XIRP2: variants seen among roughly 807,000 people sequenced by gnomAD.
XIRP2 encodes xin actin-binding repeat-containing protein 2.
A neutral mutation model predicts 277.0 loss-of-function variants in XIRP2; 236 were observed. That is an observed-to-expected ratio of 0.85 (90% CI 0.77 to 0.95). The LOEUF is 0.95. XIRP2 is among the 40% of genes least tolerant of loss of function. The pLI is 0.00. For synonymous variants in XIRP2, 1,490 were observed against 1,416.5 expected (o/e 1.05, Z -1.17); for missense variants, 4,640 against 4,157.5 (o/e 1.12, Z -3.19).
chr2:167,148,505 G>A (rs920319794), intron 3 of XIRP2, among the ~76,000 whole-genome samples: 1 of 145,266 alleles, frequency 6.9e-6, no homozygotes, highest in African/African-American at 2.5e-5. Context: ...AGAAGGAAGG[G>A]AGGGAGGGAG....
At chr2:167,229,424 G>A (rs556219320) in intron 5 of XIRP2, among the ~76,000 whole-genome samples, 1 of 152,148 alleles carries the variant, frequency 6.6e-6, no homozygotes, top group South Asian at 2.1e-4. Flanking sequence ...GATTTTGCTA[G>A]TTTGTCAGTA....
intron 2 of XIRP2, among the ~76,000 whole-genome samples, chr2:166,967,962 G>A (rs1686473300): frequency 6.6e-6 from 1 of 151,902 alleles, no homozygotes; most frequent in African/African-American, 2.4e-5. Flanking sequence ...ATATAAACAA[G>A]TTTATGTTTT....
intron 2 of XIRP2, among the ~76,000 whole-genome samples, chr2:167,010,351 C>G (rs1362265243): frequency 1.3e-5 from 2 of 151,184 alleles, no homozygotes; most frequent in African/African-American, 2.4e-5. Context: ...GCTTGTTTTT[C>G]TCAGGTTTGT....
chr2:167,007,717 A>T (rs1322310179), intron 2 of XIRP2, among the ~76,000 whole-genome samples: 3 of 151,074 alleles, frequency 2.0e-5, no homozygotes, highest in Admixed American at 6.6e-5. Context: ...ACACACACAC[A>T]CACACACACA....
At chr2:167,168,396 G>A (rs1365036257) in intron 3 of XIRP2, among the ~76,000 whole-genome samples, 2 of 151,750 alleles carry the variant, frequency 1.3e-5, no homozygotes, top group African/African-American at 2.4e-5. Context: ...TTGTCTCATG[G>A]TTCTGGGATA....
intron 5 of XIRP2, among the ~76,000 whole-genome samples, chr2:167,227,406 A>G (rs1353846675): frequency 3.3e-5 from 5 of 152,164 alleles, no homozygotes; most frequent in African/African-American, 1.2e-4. Context: ...ATGACATATT[A>G]GAATATTAAA....
chr2:166,937,558 T>G lies in XIRP2; in HGVS notation c.408+33668T>G, dbSNP rs1685555502. ...CAGGGATATTGGTCTAAAATTCTCT[T>G]TTTTTGTTGTGTCTCTGTCAGACTT... On this transcript the variant is annotated intron_variant, in intron 2 of 10. Coordinates refer to ENST00000409195, the MANE Select transcript of XIRP2 (RefSeq NM_152381.6). 4.6e-5 allele frequency among the ~76,000 whole-genome samples: 7 copies of G among 152,316 alleles called. No individual in the cohort carries two copies. In the South Asian group the frequency reaches 1.5e-3, roughly 32 times the overall value.
chr2:167,089,527 G>A (rs1687767448), intron 2 of XIRP2, among the ~76,000 whole-genome samples: 1 of 152,184 alleles, frequency 6.6e-6, no homozygotes, highest in South Asian at 2.1e-4. Context: ...TTGTGCGCAT[G>A]AGGGTCAAGA....
chr2:167,139,560 AC>A (rs947857783), intron 3 of XIRP2, among the ~76,000 whole-genome samples: 1 of 152,106 alleles, frequency 6.6e-6, no homozygotes, highest in African/African-American at 2.4e-5. Flanking sequence ...ATCTCCTCTG[AC>A]GGGTTTTACA....
rs756132453 is a variant in XIRP2 at position 166,903,897 on chromosome 2, A to AG, written c.408+8dup. 6.2e-6 allele frequency: 10 copies of AG among 1,607,628 alleles called. No individual in the cohort carries two copies. The South Asian group carries it at 9.9e-5, about 16-fold the overall frequency. On this transcript the variant is annotated splice_region_variant and intron_variant, in intron 2 of 10. Coordinates refer to ENST00000409195, the MANE Select transcript of XIRP2 (RefSeq NM_152381.6). Reference sequence around the variant, plus strand: ...AGCTGAGTACGGTGGAAAGGTAAGGAGCCATTGATTGAGAGTCTATGTTTA... The same window carrying AG: ...AGCTGAGTACGGTGGAAAGGTAAGGAGGCCATTGATTGAGAGTCTATGTTTA...
intron 5 of XIRP2, among the ~76,000 whole-genome samples, chr2:167,224,082 G>A (rs928555704): frequency 6.6e-6 from 1 of 152,108 alleles, no homozygotes; most frequent in Non-Finnish European, 1.5e-5. Context: ...TCATAATGTG[G>A]CAGAAAGTGA....
rs1316250919 is a variant in XIRP2 at position 167,249,759 on chromosome 2, A to G, written c.8367A>G (p.Ile2789Met). The G allele has an allele frequency of 6.2e-7, 1 of 1,613,368 alleles. No homozygotes were observed. The highest frequency in any genetic ancestry group is 1.7e-5 in the Admixed American group (1 of 59,954). The change falls in exon 9 of 11, where the codon ATA becomes ATG. Residue 2789 changes from isoleucine (I) to methionine (M), a missense_variant. Transcript: ENST00000409195. ...RVTVQLPTES[I>M]QKNQEDKLKM... is the part of the protein sequence containing the mutation. ...CAGTACAATTGCCTACAGAATCCAT[A>G]CAGAAGAACCAGGAAGATAAGCTCA...
intron 2 of XIRP2, among the ~76,000 whole-genome samples, chr2:166,921,118 A>G (rs1485865776): frequency 6.6e-6 from 1 of 152,030 alleles, no homozygotes; most frequent in East Asian, 1.9e-4. Flanking sequence ...GTTGCACCAC[A>G]TGCATCTCTG....
intron 2 of XIRP2, among the ~76,000 whole-genome samples, chr2:167,057,942 A>C (rs1227202119): frequency 2.0e-5 from 3 of 152,092 alleles, no homozygotes; most frequent in Non-Finnish European, 4.4e-5. Flanking sequence ...AAAAAGAAAA[A>C]GAACTTCTAA....
chr2:167,049,535 G>A (rs1195445086), intron 2 of XIRP2, among the ~76,000 whole-genome samples: 3 of 150,832 alleles, frequency 2.0e-5, no homozygotes, highest in Non-Finnish European at 4.4e-5. Context: ...ATTAAGAAAA[G>A]CATACATTAA....
At chr2:167,130,487 G>A (rs1460673487) in intron 2 of XIRP2, among the ~76,000 whole-genome samples, 1 of 151,796 alleles carries the variant, frequency 6.6e-6, no homozygotes, top group Admixed American at 6.6e-5. Flanking sequence ...GTCACCGCTG[G>A]ATCCTAACAA....
chr2:166,981,492 G>T (rs1686868332), intron 2 of XIRP2, among the ~76,000 whole-genome samples: 1 of 151,554 alleles, frequency 6.6e-6, no homozygotes, highest in African/African-American at 2.4e-5. Context: ...CATGATCTCA[G>T]CTCACTACAA....
intron 2 of XIRP2, among the ~76,000 whole-genome samples, chr2:167,049,527 T>A (rs1327046989): frequency 6.6e-6 from 1 of 151,860 alleles, no homozygotes; most frequent in Non-Finnish European, 1.5e-5. Flanking sequence ...AAAACATAAT[T>A]AAGAAAAGCA....
chr2:167,091,753 T>G (rs530897763), intron 2 of XIRP2, among the ~76,000 whole-genome samples: 1 of 152,138 alleles, frequency 6.6e-6, no homozygotes, highest in Non-Finnish European at 1.5e-5. Context: ...TAATTAATAA[T>G]GTTTTCTACT....
Sources: allele counts gnomAD v4.1 joint callset (sites outside exome capture counted in the v4.1 genomes callset), GRCh38; gene constraint gnomAD v4.1.1; transcripts MANE v1.5; gene names NCBI Gene and HGNC (gene_info 2026-07-23, HGNC 2026-07-21).